Variants in UBASH3B observed in about 807,000 individuals in gnomAD.
UBASH3B encodes the protein ubiquitin-associated and SH3 domain-containing protein B.
A neutral mutation model predicts 83.4 loss-of-function variants in UBASH3B; 37 were observed. The ratio of observed to expected loss-of-function variants is 0.44; its 90% CI spans 0.34 to 0.58. UBASH3B has a LOEUF of 0.58. Among genes scored for constraint, UBASH3B ranks in the 20% least tolerant of loss-of-function variants. UBASH3B has a pLI of 0.01. For missense variants in UBASH3B, 657 were observed against 827.2 expected (o/e 0.79, Z 2.52); for synonymous variants, 304 against 318.3 (o/e 0.96, Z 0.48).
intron 1 of UBASH3B, among the ~76,000 whole-genome samples, chr11:122,702,528 G>GTT (rs888469312): frequency 6.9e-6 from 1 of 143,946 alleles, no homozygotes; most frequent in Non-Finnish European, 1.5e-5. Context: ...AAATCACCAG[G>GTT]TTTTTTTTTT....
chr11:122,690,186 ATATATATATATATATATATATATCCAAT>A (rs1565530211), intron 1 of UBASH3B, among the ~76,000 whole-genome samples: 2,242 of 26,420 alleles, frequency 0.085, 174 homozygotes, highest in Middle Eastern at 0.15. Context: ...ATATATATAT[ATATATATATATATATATATATATCCAAT>A]TATATATATA....
At chr11:122,776,594 T>A (rs1860738702) in intron 2 of UBASH3B, among the ~76,000 whole-genome samples, 1 of 152,184 alleles carries the variant, frequency 6.6e-6, no homozygotes, top group South Asian at 2.1e-4. Context: ...AGTACCCTAC[T>A]TATCTTCCAG....
intron 1 of UBASH3B, chr11:122,774,015 G>T (rs1860691476): frequency 1.0e-6 from 1 of 985,148 alleles, no homozygotes; most frequent in Admixed American, 6.2e-5. Flanking sequence ...ACCTCTAAAA[G>T]GTCATGATTT....
chr11:122,749,053 C>G (rs1317027720), intron 1 of UBASH3B, among the ~76,000 whole-genome samples: 6 of 152,252 alleles, frequency 3.9e-5, no homozygotes, highest in African/African-American at 1.4e-4. Context: ...GGTCCCAGCA[C>G]ACTGTGTGCC....
rs143015164 is a variant in UBASH3B, at chr11:122,716,038, G to A, written c.161+59828G>A. On this transcript the variant is annotated intron_variant, in intron 1 of 13. Transcript: ENST00000284273. ...TTCCAGTATTGGATTAGAGGCAGCA[G>A]GGACTGTGGAGAGAGGACGAGGAGG... 5.2e-5 allele frequency among the ~76,000 whole-genome samples: 8 copies of A among 152,394 alleles called. No homozygotes were observed. The East Asian group carries it at 1.2e-3, about 22-fold the overall frequency.
intron 9 of UBASH3B, among the ~76,000 whole-genome samples, chr11:122,797,598 A>G (rs1861178464): frequency 6.6e-6 from 1 of 152,242 alleles, no homozygotes; most frequent in Non-Finnish European, 1.5e-5. Flanking sequence ...ATCATACAAT[A>G]TGATATACAT....
chr11:122,809,927 G>C lies in UBASH3B; in HGVS notation c.*41G>C. 6.9e-6 allele frequency: 11 copies of C among 1,600,420 alleles called. No individual in the cohort carries two copies. The highest frequency in any genetic ancestry group is 8.5e-6 in the Non-Finnish European group (10 of 1,174,952). ...AAGAAGGAAAGGCCTTTTGGAGTGT[G>C]TCTTTCTGTGTGTTTAAAAACAGTG... On this transcript the variant is annotated 3_prime_UTR_variant, in exon 14 of 14. Transcript: ENST00000284273.
At chr11:122,698,281 C>T (rs1394350019) in intron 1 of UBASH3B, among the ~76,000 whole-genome samples, 1 of 151,994 alleles carries the variant, frequency 6.6e-6, no homozygotes, top group Non-Finnish European at 1.5e-5. Flanking sequence ...CCCATAGTCA[C>T]GCCAAATTTT....
intron 1 of UBASH3B, among the ~76,000 whole-genome samples, chr11:122,693,968 C>T (rs189366996): frequency 1.3e-5 from 2 of 152,308 alleles, no homozygotes; most frequent in East Asian, 3.9e-4. Context: ...TACAATTTTC[C>T]TATGTGACAT....
intron 1 of UBASH3B, among the ~76,000 whole-genome samples, chr11:122,712,895 G>GTTT (rs1864214626): frequency 1.1e-5 from 1 of 95,184 alleles, no homozygotes; most frequent in African/African-American, 3.8e-5. Context: ...TTCTCTGGGT[G>GTTT]GTTTTTTTTT....
chr11:122,717,911 T>TTTC, intron 1 of UBASH3B, among the ~76,000 whole-genome samples: 1 of 72,188 alleles, frequency 1.4e-5, no homozygotes. Context: ...TCTTTCTTTC[T>TTTC]TTTTTTTTTT....
chr11:122,725,913 C>T (rs11218779), intron 1 of UBASH3B, among the ~76,000 whole-genome samples: 53,470 of 151,898 alleles, frequency 0.35, 9,731 homozygotes, highest in East Asian at 0.53. Context: ...AGGCTGGTCT[C>T]AAACTCCTGA....
chr11:122,696,572 G>A (rs1479040349), intron 1 of UBASH3B, among the ~76,000 whole-genome samples: 1 of 152,126 alleles, frequency 6.6e-6, no homozygotes, highest in Non-Finnish European at 1.5e-5. Flanking sequence ...CTCCTAAAGT[G>A]CCAGGATTAC....
At chr11:122,699,928 G>A (rs150402231) in intron 1 of UBASH3B, among the ~76,000 whole-genome samples, 162 of 152,238 alleles carry the variant, frequency 1.1e-3, no homozygotes, top group African/African-American at 3.8e-3. Context: ...TAAGGTTTAC[G>A]TAAATATTAT....
chr11:122,739,781 G>A (rs1383347653), intron 1 of UBASH3B, among the ~76,000 whole-genome samples: 1 of 152,092 alleles, frequency 6.6e-6, no homozygotes, highest in Non-Finnish European at 1.5e-5. Flanking sequence ...TTACATTTGG[G>A]GCTGGGCAGT....
At chr11:122,748,622 T>G (rs12276870) in intron 1 of UBASH3B, among the ~76,000 whole-genome samples, 73,888 of 152,066 alleles carry the variant, frequency 0.49, 18,693 homozygotes, top group Non-Finnish European at 0.53. Context: ...TCTCCTTGAT[T>G]CTTTGAATAC....
chr11:122,722,792 G>A (rs897392365), intron 1 of UBASH3B, among the ~76,000 whole-genome samples: 2 of 150,744 alleles, frequency 1.3e-5, no homozygotes, highest in Non-Finnish European at 2.9e-5. Flanking sequence ...TGCAAGCTCT[G>A]CCTCCCAGGT....
At chr11:122,749,569 T>C (rs1165060822) in intron 1 of UBASH3B, among the ~76,000 whole-genome samples, 1 of 152,192 alleles carries the variant, frequency 6.6e-6, no homozygotes, top group Non-Finnish European at 1.5e-5. Context: ...GAGGGTTAGC[T>C]CTATTTAGTG....
At chr11:122,805,486 C>T (rs1279139355) in intron 11 of UBASH3B, among the ~76,000 whole-genome samples, 2 of 152,040 alleles carry the variant, frequency 1.3e-5, no homozygotes, top group Non-Finnish European at 2.9e-5. Context: ...GAGTCGAGAT[C>T]GAGCCATTGC....
Sources: gnomAD v4.1 joint callset for allele counts (sites outside exome capture counted in the v4.1 genomes callset) on GRCh38, gnomAD v4.1.1 for gene constraint, MANE v1.5 for transcripts, NCBI Gene and HGNC (gene_info 2026-07-23, HGNC 2026-07-21) for gene names.